MAP2K1: variants seen among roughly 807,000 people sequenced by gnomAD.
The protein encoded by MAP2K1 is dual specificity mitogen-activated protein kinase kinase 1.
A neutral mutation model predicts 46.3 loss-of-function variants in MAP2K1; 16 were observed. That is an observed-to-expected ratio of 0.35 (90% CI 0.23 to 0.52). The LOEUF (loss-of-function observed/expected upper bound fraction) is 0.52. Ranked by LOEUF, MAP2K1 falls within the 20% of genes least tolerant of loss-of-function variation. MAP2K1 has a pLI of 0.94. For missense variants in MAP2K1, 263 were observed against 497.1 expected, an observed-to-expected ratio of 0.53 and a Z score of 4.48; for synonymous variants, 183 against 185.6, an observed-to-expected ratio of 0.99 and a Z score of 0.11.
chr15:66,471,238 C>A (rs772262852), intron 5 of MAP2K1, among the ~76,000 whole-genome samples: 3 of 152,150 alleles, frequency 2.0e-5, no homozygotes, highest in Admixed American at 2.0e-4. Flanking sequence ...GAGAAGGAAT[C>A]TGATTCCTTA....
At position 66,490,750 on chromosome 15, in the gene MAP2K1, C is replaced by A. The variant is rs1319856811; in HGVS notation, c.*135C>A. ...AAAGGATGAAGAACACAGCATGTGC[C>A]AAGATTCTACTCTTGTCATTTTTAA... is the stretch of plus-strand genomic sequence containing the variant. On this transcript the variant is annotated 3_prime_UTR_variant, in exon 11 of 11. Coordinates refer to ENST00000307102, the MANE Select transcript of MAP2K1 (RefSeq NM_002755.4). The A allele has an allele frequency of 1.4e-6, 1 of 726,642 alleles. No individual in the cohort carries two copies. Among genetic ancestry groups the A allele is most frequent in the African/African-American group, 1.7e-5 (1 of 57,894 alleles). The allele number at this position is 726,642 out of a possible 1,614,324, so 45.0% of individuals were successfully genotyped here.
At chr15:66,400,976 A>G (rs57013267) in intron 1 of MAP2K1, among the ~76,000 whole-genome samples, 4,290 of 152,290 alleles carry the variant, frequency 0.028, 152 homozygotes, top group Admixed American at 0.066. Context: ...GAAAAAACCT[A>G]TAGACATTAC....
chr15:66,457,990 C>G (rs1273364735), intron 5 of MAP2K1, among the ~76,000 whole-genome samples: 2 of 150,764 alleles, frequency 1.3e-5, no homozygotes, highest in African/African-American at 4.9e-5. Context: ...AATTTAAACA[C>G]AAAACTAAAC....
rs969722976 is a variant in MAP2K1, at chr15:66,389,150, C to T, written c.80+1723C>T. Reference sequence around the variant, plus strand: ...CAAACTCCCGTCCTCAGGTGATCCACCTGCCTCGGCCTCCGAAAATGCTGG... The same window carrying T: ...CAAACTCCCGTCCTCAGGTGATCCATCTGCCTCGGCCTCCGAAAATGCTGG... On this transcript the variant is annotated intron_variant, in intron 1 of 10. Transcript: ENST00000307102. Among the ~76,000 whole-genome samples, 13 of 152,144 alleles carry T rather than the reference C, an allele frequency of 8.5e-5. 1 individual carries two copies. Among genetic ancestry groups the T allele is most frequent in the African/African-American group, 3.1e-4 (13 of 41,426 alleles).
intron 1 of MAP2K1, among the ~76,000 whole-genome samples, chr15:66,425,593 A>G (rs1239844974): frequency 6.6e-6 from 1 of 151,962 alleles, no homozygotes; most frequent in Non-Finnish European, 1.5e-5. Flanking sequence ...TCTTTTTTTT[A>G]GTGGGGGATG....
intron 1 of MAP2K1, among the ~76,000 whole-genome samples, chr15:66,427,474 G>A (rs901721489): frequency 2.0e-5 from 3 of 150,996 alleles, no homozygotes; most frequent in African/African-American, 7.4e-5. Flanking sequence ...CAGGAGAATT[G>A]TGTGAACCCA....
chr15:66,445,244 C>A (rs1189362340), intron 5 of MAP2K1, among the ~76,000 whole-genome samples: 1 of 151,914 alleles, frequency 6.6e-6, no homozygotes. Context: ...CAAAAATTAG[C>A]CGCCAGCCAT....
intron 1 of MAP2K1, among the ~76,000 whole-genome samples, chr15:66,390,117 A>G (rs545815058): frequency 1.3e-5 from 2 of 152,236 alleles, no homozygotes; most frequent in East Asian, 1.9e-4. Flanking sequence ...CTTCTGGACA[A>G]TCAACTCTCC....
intron 8 of MAP2K1, chr15:66,488,937 GTGATTAGTTC>G: frequency 1.8e-6 from 1 of 541,322 alleles, no homozygotes; most frequent in South Asian, 2.0e-5. Flanking sequence ...TAGAGGAATA[GTGATTAGTTC>G]AAAATCACCC....
chr15:66,466,456 A>G (rs899203860), intron 5 of MAP2K1, among the ~76,000 whole-genome samples: 1 of 152,082 alleles, frequency 6.6e-6, no homozygotes, highest in African/African-American at 2.4e-5. Context: ...AGGCGGGTGG[A>G]TCACTTGAGG....
At chr15:66,462,625 G>T (rs192267229) in intron 5 of MAP2K1, among the ~76,000 whole-genome samples, 27 of 149,786 alleles carry the variant, frequency 1.8e-4, no homozygotes, top group Non-Finnish European at 7.4e-5. Flanking sequence ...TTGGCTAAAA[G>T]AAAATAGCAT....
intron 1 of MAP2K1, among the ~76,000 whole-genome samples, chr15:66,406,737 A>G (rs892152776): frequency 4.6e-5 from 7 of 152,170 alleles, no homozygotes; most frequent in African/African-American, 1.7e-4. Context: ...GACTTTAAAG[A>G]TGGTGGCAAC....
chr15:66,424,705 C>T (rs542880431), intron 1 of MAP2K1, among the ~76,000 whole-genome samples: 123 of 151,648 alleles, frequency 8.1e-4, no homozygotes, highest in Admixed American at 2.6e-3. Context: ...TGCCCCTTTC[C>T]TAGGGGTAAG....
intron 1 of MAP2K1, among the ~76,000 whole-genome samples, chr15:66,412,958 T>A (rs546861891): frequency 2.6e-5 from 4 of 152,190 alleles, no homozygotes; most frequent in Admixed American, 6.5e-5. Flanking sequence ...TACAGTGGCG[T>A]GATCTCGGCT....
In MAP2K1 at chr15:66,474,902, CAA is replaced by C. The variant is rs34111868; in HGVS notation, c.569-6838_569-6837del. On this transcript the variant is annotated intron_variant, in intron 5 of 10. Coordinates refer to ENST00000307102, the MANE Select transcript of MAP2K1 (RefSeq NM_002755.4). Reference sequence around the variant, plus strand: ...CTGGGTGACAGAGTAAGACTTGTCTCAAAAAAAAAAAAAAAAGTATATTTAAA... The same window carrying C: ...CTGGGTGACAGAGTAAGACTTGTCTCAAAAAAAAAAAAAAGTATATTTAAA... 6.9e-3 allele frequency among the ~76,000 whole-genome samples: 965 copies of C among 140,406 alleles called. 5 individuals carry two copies. Among genetic ancestry groups the C allele is most frequent in the African/African-American group, 0.017 (638 of 38,102 alleles). 92.1% of individuals were successfully genotyped at this position (140,406 alleles called of 152,430 possible). A position where few individuals can be genotyped will look rare whatever the true frequency, so the allele number is the denominator to read the frequency against.
chr15:66,461,476 C>CTAAA (rs10641341), intron 5 of MAP2K1, among the ~76,000 whole-genome samples: 43,657 of 139,970 alleles, frequency 0.31, 7,246 homozygotes, highest in East Asian at 0.45. Context: ...GACTCTGTCT[C>CTAAA]TAAATAAATA....
chr15:66,444,123 A>G (rs1234770770), intron 4 of MAP2K1, among the ~76,000 whole-genome samples: 3 of 151,724 alleles, frequency 2.0e-5, no homozygotes, highest in African/African-American at 7.3e-5. Context: ...CTGTAATCCC[A>G]GCTACTCGGG....
At chr15:66,488,217 T>C (rs374556647) in intron 8 of MAP2K1, among the ~76,000 whole-genome samples, 5 of 152,210 alleles carry the variant, frequency 3.3e-5, no homozygotes, top group African/African-American at 1.2e-4. Context: ...GCTGGTCTCC[T>C]CTCTTCCTTG....
chr15:66,412,134 C>T (rs1486671219), intron 1 of MAP2K1, among the ~76,000 whole-genome samples: 1 of 152,160 alleles, frequency 6.6e-6, no homozygotes, highest in Non-Finnish European at 1.5e-5. Flanking sequence ...AATAGGTGAA[C>T]TGAATTTGGT....
Sources: gnomAD v4.1 joint callset for allele counts (sites outside exome capture counted in the v4.1 genomes callset) on GRCh38, gnomAD v4.1.1 for gene constraint, MANE v1.5 for transcripts, NCBI Gene and HGNC (gene_info 2026-07-23, HGNC 2026-07-21) for gene names.